The following HS3ST4 variants were observed in gnomAD, a reference collection of about 807,000 sequenced individuals.
HS3ST4 encodes heparan sulfate-glucosamine 3-sulfotransferase 4.
HS3ST4 carries 17 observed loss-of-function variants against 29.2 expected under a neutral mutation model. The ratio of observed to expected loss-of-function variants is 0.58; its 90% confidence interval spans 0.40 to 0.87. The LOEUF (loss-of-function observed/expected upper bound fraction) is 0.87, where lower values mean the gene tolerates loss of function less well. Ranked by LOEUF, HS3ST4 falls within the 40% of genes least tolerant of loss-of-function variation. The pLI, the probability that HS3ST4 is intolerant of heterozygous loss-of-function variation, is 0.00. For synonymous variants in HS3ST4, 314 were observed against 285.7 expected, an observed-to-expected ratio of 1.10 and a Z score of -1.00; for missense variants, 627 against 634.5, an observed-to-expected ratio of 0.99 and a Z score of 0.13.
chr16:25,993,407 A>G (rs1409111744), intron 1 of HS3ST4, among the ~76,000 whole-genome samples: 7 of 152,160 alleles, frequency 4.6e-5, no homozygotes, highest in Admixed American at 6.5e-5. Flanking sequence ...TGAAATTCCT[A>G]TGACCCTCAG....
intron 1 of HS3ST4, among the ~76,000 whole-genome samples, chr16:25,818,439 A>G (rs538226983): frequency 6.6e-6 from 1 of 152,296 alleles, no homozygotes; most frequent in African/African-American, 2.4e-5. Flanking sequence ...TGGAACCATG[A>G]GAAATAAACT....
At chr16:25,862,690 C>T (rs1211598332) in intron 1 of HS3ST4, among the ~76,000 whole-genome samples, 3 of 152,152 alleles carry the variant, frequency 2.0e-5, no homozygotes, top group Admixed American at 2.0e-4. Context: ...TTAGTACTTA[C>T]AGACATTTGC....
chr16:25,854,868 AT>A (rs1166889357), intron 1 of HS3ST4, among the ~76,000 whole-genome samples: 2 of 152,112 alleles, frequency 1.3e-5, no homozygotes, highest in Non-Finnish European at 2.9e-5. Context: ...AAGTTTACAA[AT>A]TTGTGTTGGG....
Position 25,780,801 on chromosome 16 carries a change from A to G in HS3ST4, c.734+87650A>G, listed in dbSNP as rs114609517. Among the ~76,000 whole-genome samples, 884 of 152,308 alleles carry G rather than the reference A, an allele frequency of 5.8e-3. 8 individuals carry two copies. The highest frequency in any genetic ancestry group is 0.02 in the African/African-American group (848 of 41,570). On this transcript the variant is annotated intron_variant, in intron 1 of 1. Coordinates refer to ENST00000331351, the MANE Select transcript of HS3ST4 (RefSeq NM_006040.3). ...ATGAAACTTAAGACATTTAACCACT[A>G]GGTTAAATGAGCATGATTTGTGTGA...
intron 1 of HS3ST4, among the ~76,000 whole-genome samples, chr16:25,798,364 A>G (rs1005507106): frequency 2.6e-5 from 4 of 152,194 alleles, no homozygotes; most frequent in African/African-American, 9.7e-5. Context: ...TTTCATGTTT[A>G]TGTTGGGTCA....
At chr16:26,023,704 G>A (rs1969438378) in intron 1 of HS3ST4, among the ~76,000 whole-genome samples, 1 of 151,962 alleles carries the variant, frequency 6.6e-6, no homozygotes, top group African/African-American at 2.4e-5. Context: ...ATCCCACCTG[G>A]CCAATAATTT....
chr16:25,895,588 G>A (rs374720113), intron 1 of HS3ST4, among the ~76,000 whole-genome samples: 3 of 152,072 alleles, frequency 2.0e-5, no homozygotes, highest in African/African-American at 4.8e-5. Context: ...TGGACTGGGC[G>A]CCTTCACCAG....
chr16:26,107,649 T>C (rs537964810), intron 1 of HS3ST4, among the ~76,000 whole-genome samples: 7 of 152,346 alleles, frequency 4.6e-5, no homozygotes, highest in African/African-American at 1.7e-4. Flanking sequence ...TGATATTTGG[T>C]TTTCCATTCT....
chr16:26,099,580 A>G (rs1168006111), intron 1 of HS3ST4, among the ~76,000 whole-genome samples: 2 of 152,126 alleles, frequency 1.3e-5, no homozygotes, highest in African/African-American at 2.4e-5. Context: ...AACGAAAGGA[A>G]CTCCATCAGG....
intron 1 of HS3ST4, among the ~76,000 whole-genome samples, chr16:25,978,508 A>G (rs1432637494): frequency 1.3e-5 from 2 of 152,256 alleles, no homozygotes; most frequent in Admixed American, 1.3e-4. Context: ...TAGCTCACCA[A>G]CCTCTGGTCT....
intron 1 of HS3ST4, among the ~76,000 whole-genome samples, chr16:25,745,480 G>C (rs141708577): frequency 6.6e-6 from 1 of 152,248 alleles, no homozygotes; most frequent in East Asian, 1.9e-4. Flanking sequence ...GCTTATTAAA[G>C]TTGCAGAATC....
chr16:26,106,495 G>A (rs532923860), intron 1 of HS3ST4, among the ~76,000 whole-genome samples: 101 of 152,336 alleles, frequency 6.6e-4, no homozygotes, highest in Non-Finnish European at 1.2e-3. Flanking sequence ...GCCAAGAGGA[G>A]CATGTTCAAG....
At chr16:25,893,722 T>C (rs964660445) in intron 1 of HS3ST4, among the ~76,000 whole-genome samples, 1 of 152,190 alleles carries the variant, frequency 6.6e-6, no homozygotes, top group African/African-American at 2.4e-5. Flanking sequence ...GAGCATGAAA[T>C]GGTAATTTTT....
chr16:25,692,919 G>A lies in HS3ST4; in HGVS notation c.502G>A (p.Asp168Asn), dbSNP rs749884499. The change falls in exon 1 of 2, where the codon GAC becomes AAC. Residue 168 changes from aspartate to asparagine, a missense_variant. Physicochemically the swap from Asp to Asn is conservative, Grantham distance 23 (BLOSUM62 1). Transcript: ENST00000331351. ...EREAQESSTTDEDLAGRRAAN... is the reference protein window; with the variant it reads ...EREAQESSTTNEDLAGRRAAN... ...GGAAGCGCAGGAGTCCAGCACCACCGACGAGGATCTCGCAGGCCGGAGAGC... is the reference window on the plus strand; with the variant it reads ...GGAAGCGCAGGAGTCCAGCACCACCAACGAGGATCTCGCAGGCCGGAGAGC... 1 of 1,602,686 alleles carries A rather than the reference G, an allele frequency of 6.2e-7. No homozygotes were observed.
rs183348844 is a variant in HS3ST4 at position 25,994,150 on chromosome 16, G to A, written c.735-141462G>A. On this transcript the variant is annotated intron_variant, in intron 1 of 1. Transcript: ENST00000331351. ...ATCTCCAAATACCATCACATTTGGG[G>A]GCTAGGGCTTCAAATTTGAATCATG... Among the ~76,000 whole-genome samples the A allele has an allele frequency of 2.3e-3, 345 of 152,024 alleles. 1 individual carries two copies. The highest frequency in any genetic ancestry group is 8.1e-3 in the African/African-American group (337 of 41,446).
intron 1 of HS3ST4, among the ~76,000 whole-genome samples, chr16:25,834,393 T>C (rs927996425): frequency 2.6e-5 from 4 of 152,242 alleles, no homozygotes; most frequent in African/African-American, 9.6e-5. Context: ...GGCATTGAGG[T>C]GCAAAAAGAA....
chr16:26,104,193 C>T (rs1461834421), intron 1 of HS3ST4, among the ~76,000 whole-genome samples: 1 of 152,098 alleles, frequency 6.6e-6, no homozygotes, highest in Non-Finnish European at 1.5e-5. Flanking sequence ...AGGTGTATTT[C>T]CTCTGGTACT....
At chr16:25,768,287 T>C (rs1169739099) in intron 1 of HS3ST4, among the ~76,000 whole-genome samples, 1 of 152,224 alleles carries the variant, frequency 6.6e-6, no homozygotes, top group African/African-American at 2.4e-5. Context: ...TATTTGCTTA[T>C]TTTAAAAAAT....
At chr16:26,023,531 C>T (rs142014723) in intron 1 of HS3ST4, among the ~76,000 whole-genome samples, 1 of 152,202 alleles carries the variant, frequency 6.6e-6, no homozygotes, top group East Asian at 1.9e-4. Flanking sequence ...TCCCAAGTAG[C>T]TAGTACTAGA....
Sources: gnomAD v4.1 joint callset for allele counts (sites outside exome capture counted in the v4.1 genomes callset) on GRCh38, gnomAD v4.1.1 for gene constraint, MANE v1.5 for transcripts, NCBI Gene and HGNC (gene_info 2026-07-23, HGNC 2026-07-21) for gene names.